The following DMXL1 variants were observed in gnomAD, a reference collection of about 807,000 sequenced individuals.
The protein encoded by DMXL1 is Dmx like 1, also known as dmX-like protein 1.
DMXL1 carries 99 observed loss-of-function variants against 319.2 expected under a neutral mutation model. The observed-to-expected ratio is 0.31, with a 90% CI of 0.26 to 0.37. The LOEUF (loss-of-function observed/expected upper bound fraction) is 0.37, where lower values mean the gene tolerates loss of function less well. Ranked by LOEUF, DMXL1 falls within the 10% of genes least tolerant of loss-of-function variation. The probability of loss-of-function intolerance (pLI) is 1.00; values close to 1 mark genes in which losing one functional copy is unlikely to be tolerated. For missense variants in DMXL1, 3,745 were observed against 3,595.6 expected, an observed-to-expected ratio of 1.04 and a Z score of -1.06; for synonymous variants, 1,385 against 1,235.2, an observed-to-expected ratio of 1.12 and a Z score of -2.54.
intron 5 of DMXL1, 149 bp downstream of exon 5, chr5:119,110,432 T>A (rs1759321208): frequency 4.6e-6 from 3 of 655,220 alleles, no homozygotes; most frequent in Non-Finnish European, 7.0e-6. Context: ...CAGATAATTC[T>A]CTATTTCCCG....
intron 3 of DMXL1, among the ~76,000 whole-genome samples, chr5:119,103,062 C>T (rs1175331456): frequency 6.6e-6 from 1 of 151,328 alleles, no homozygotes; most frequent in Non-Finnish European, 1.5e-5. Flanking sequence ...CACAGGTACT[C>T]CCAAACCTAA....
chr5:119,232,237 C>T (rs540171665), intron 38 of DMXL1, among the ~76,000 whole-genome samples: 21 of 152,202 alleles, frequency 1.4e-4, no homozygotes, highest in Admixed American at 3.9e-4. Context: ...GCTATGCAAG[C>T]GCATTGGGGG....
chr5:119,244,707 T>G, intron 43 of DMXL1, 131 bp downstream of exon 43: 1 of 584,126 alleles, frequency 1.7e-6, no homozygotes, highest in Non-Finnish European at 2.9e-6. Context: ...CAGTGCTAAT[T>G]GCTATTTAAT....
intron 1 of DMXL1, among the ~76,000 whole-genome samples, chr5:119,094,292 A>G (rs1755446647): frequency 6.6e-6 from 1 of 152,212 alleles, no homozygotes; most frequent in Admixed American, 6.5e-5. Context: ...CCCATTTATC[A>G]TGCCGAGAAT....
rs373022051 is a variant in DMXL1, at chr5:119,167,702, C to T, written c.5236C>T (p.Arg1746Cys). 5.0e-5 allele frequency: 80 copies of T among 1,613,440 alleles called. 1 individual carries two copies. The South Asian group carries it at 6.3e-4, about 13-fold the overall frequency. The stretch of plus-strand genomic sequence containing the variant: ...ATCTGCAGCATATAAATCTATTTTA[C>T]GTAAAAAAGTTTTGGGAATCGATTC... Reference protein sequence around the residue: ...DTSAAYKSILRKKVLGIDSPV... With the variant: ...DTSAAYKSILCKKVLGIDSPV... Residue 1746 changes from arginine (R) to cysteine (C), a missense_variant, in exon 23 of 44, where the codon CGT becomes TGT. This residue lies in a region of DMXL1 where 1,382 missense variants were observed against 1,269.5 expected (regional missense o/e 1.09). Coordinates refer to ENST00000539542, the MANE Select transcript of DMXL1 (RefSeq NM_001290321.3).
intron 28 of DMXL1, among the ~76,000 whole-genome samples, chr5:119,188,504 A>G (rs1265327693): frequency 6.6e-6 from 1 of 152,254 alleles, no homozygotes; most frequent in African/African-American, 2.4e-5. Flanking sequence ...ATATCTCTAT[A>G]GTTCTCACTT....
Position 119,237,301 on chromosome 5 carries a change from TA to T in DMXL1, c.8467-18del. On this transcript the variant is annotated intron_variant, in intron 39 of 43. Transcript: ENST00000539542. ...CTTTTATATTTATATTAAATACTTTTAAATATTTTCTTTCTCTAAGTTTGGA... is the reference window on the plus strand; with the variant it reads ...CTTTTATATTTATATTAAATACTTTTAATATTTTCTTTCTCTAAGTTTGGA... 1 of 1,407,414 alleles carries T rather than the reference TA, an allele frequency of 7.1e-7. No homozygotes were observed. The highest frequency in any genetic ancestry group is 1.0e-6 in the Non-Finnish European group (1 of 1,004,084). 87.2% of individuals were successfully genotyped at this position (1,407,414 alleles called of 1,614,324 possible).
intron 33 of DMXL1, among the ~76,000 whole-genome samples, chr5:119,204,149 C>CT (rs992809956): frequency 1.3e-5 from 2 of 151,734 alleles, no homozygotes; most frequent in African/African-American, 4.8e-5. Context: ...ATTTATTTAT[C>CT]TTTTTTGAGA....
At chr5:119,097,358 T>A (rs1052798182) in intron 1 of DMXL1, among the ~76,000 whole-genome samples, 1 of 152,208 alleles carries the variant, frequency 6.6e-6, no homozygotes, top group Admixed American at 6.5e-5. Context: ...GGAAGTTTGC[T>A]ATTAGTAGAA....
intron 1 of DMXL1, chr5:119,081,617 G>T: frequency 1.0e-6 from 1 of 984,750 alleles, no homozygotes; most frequent in Non-Finnish European, 1.2e-6. Context: ...AAGTGTAGAT[G>T]AGAAGTTAAT....
At chr5:119,186,764 C>T (rs962152684) in intron 28 of DMXL1, among the ~76,000 whole-genome samples, 4 of 151,998 alleles carry the variant, frequency 2.6e-5, no homozygotes, top group Admixed American at 6.6e-5. Context: ...TGGGGAGTTA[C>T]TTTTATAATT....
intron 9 of DMXL1, among the ~76,000 whole-genome samples, chr5:119,125,498 A>C (rs1343838315): frequency 6.6e-6 from 1 of 152,180 alleles, no homozygotes; most frequent in African/African-American, 2.4e-5. Flanking sequence ...ATGAATTACT[A>C]ATGAGATTCT....
At chr5:119,188,452 T>C (rs1309965239) in intron 28 of DMXL1, among the ~76,000 whole-genome samples, 2 of 152,238 alleles carry the variant, frequency 1.3e-5, no homozygotes, top group African/African-American at 2.4e-5. Context: ...AATTGATATA[T>C]TTATCTTAAA....
intron 4 of DMXL1, among the ~76,000 whole-genome samples, chr5:119,108,749 A>G (rs1758907869): frequency 6.6e-6 from 1 of 151,436 alleles, no homozygotes. Context: ...TGGCTTTCAA[A>G]TGCTTGCTTT....
chr5:119,188,442 A>C (rs1014903348), intron 28 of DMXL1, among the ~76,000 whole-genome samples: 1 of 152,230 alleles, frequency 6.6e-6, no homozygotes, highest in Admixed American at 6.5e-5. Flanking sequence ...CCAAATGATA[A>C]ATTGATATAT....
chr5:119,190,249 C>T (rs1047404443), intron 29 of DMXL1, among the ~76,000 whole-genome samples: 5 of 152,134 alleles, frequency 3.3e-5, no homozygotes, highest in African/African-American at 1.2e-4. Flanking sequence ...CTTTTTTATA[C>T]TACAGCAGTC....
rs143750449 is a variant in DMXL1 at position 119,124,929 on chromosome 5, T to C, written c.1102+3790T>C. ...CTTGTTACCAAAATTTGTTATAAAT[T>C]AAGATACTTCTATTAACAGAGCTAC... is the stretch of plus-strand genomic sequence containing the variant. On this transcript the variant is annotated intron_variant, in intron 9 of 43. Coordinates refer to ENST00000539542, the MANE Select transcript of DMXL1 (RefSeq NM_001290321.3). 1.4e-3 allele frequency among the ~76,000 whole-genome samples: 220 copies of C among 152,312 alleles called. 1 individual carries two copies. Among genetic ancestry groups the C allele is most frequent in the African/African-American group, 5.1e-3 (212 of 41,562 alleles).
chr5:119,157,526 ATTC>A (rs1455259210), intron 19 of DMXL1, among the ~76,000 whole-genome samples: 1 of 152,184 alleles, frequency 6.6e-6, no homozygotes, highest in African/African-American at 2.4e-5. Context: ...GTCCAATTTC[ATTC>A]TTCTGCATGT....
intron 22 of DMXL1, among the ~76,000 whole-genome samples, chr5:119,167,196 A>G (rs956985096): frequency 6.6e-6 from 1 of 152,184 alleles, no homozygotes; most frequent in African/African-American, 2.4e-5. Flanking sequence ...TTCTGTCTCA[A>G]ATTGCCCTTT....
Sources: allele counts gnomAD v4.1 joint callset (sites outside exome capture counted in the v4.1 genomes callset), GRCh38; gene constraint gnomAD v4.1.1; regional missense constraint gnomAD v4.1.1; transcripts MANE v1.5; gene names NCBI Gene and HGNC (gene_info 2026-07-23, HGNC 2026-07-21).